PDE10A: variants seen among roughly 807,000 people sequenced by gnomAD.
The protein encoded by PDE10A is phosphodiesterase 10A.
A neutral mutation model predicts 97.7 loss-of-function variants in PDE10A; 39 were observed. The ratio of observed to expected loss-of-function variants is 0.40; its 90% confidence interval spans 0.31 to 0.52. The LOEUF is 0.52. Among genes scored for constraint, PDE10A ranks in the 20% least tolerant of loss-of-function variants. The pLI is 0.56. For synonymous variants in PDE10A, 371 were observed against 376.8 expected, an observed-to-expected ratio of 0.98 and a Z score of 0.18; for missense variants, 731 against 1,047.8, an observed-to-expected ratio of 0.70 and a Z score of 4.17.
chr6:165,693,036 A>G (rs1250908747), intron 1 of PDE10A, among the ~76,000 whole-genome samples: 1 of 152,196 alleles, frequency 6.6e-6, no homozygotes, highest in Admixed American at 6.5e-5. Context: ...TAAAAGATAT[A>G]TCAGTGCTAG....
At chr6:165,843,409 G>A (rs906338665) in intron 1 of PDE10A, among the ~76,000 whole-genome samples, 4 of 152,172 alleles carry the variant, frequency 2.6e-5, no homozygotes, top group African/African-American at 9.7e-5. Context: ...CCATCACCTC[G>A]GCTACAACAA....
chr6:165,873,867 A>T (rs995036391), intron 1 of PDE10A, among the ~76,000 whole-genome samples: 5 of 152,204 alleles, frequency 3.3e-5, no homozygotes, highest in South Asian at 2.1e-4. Flanking sequence ...GGGTTTTTTT[A>T]AAAAATTAAT....
chr6:165,933,011 T>C (rs117978276), intron 1 of PDE10A, among the ~76,000 whole-genome samples: 6,585 of 152,112 alleles, frequency 0.043, 198 homozygotes, highest in Non-Finnish European at 0.061. Flanking sequence ...CTCCCCTGGG[T>C]TGATTCCTGG....
chr6:165,430,496 T>G, intron 8 of PDE10A, 151 bp from the exon 9 acceptor site: 1 of 557,742 alleles, frequency 1.8e-6, no homozygotes, highest in Admixed American at 3.5e-5. Flanking sequence ...ACCATTAATA[T>G]TTACTGAATA....
intron 2 of PDE10A, among the ~76,000 whole-genome samples, chr6:165,497,755 G>T (rs1213312118): frequency 6.6e-6 from 1 of 152,070 alleles, no homozygotes; most frequent in Admixed American, 6.5e-5. Context: ...ATCTACCCCA[G>T]AGAGGCCAAG....
chr6:165,892,042 G>T (rs1781816827), intron 1 of PDE10A, among the ~76,000 whole-genome samples: 1 of 151,892 alleles, frequency 6.6e-6, no homozygotes. Flanking sequence ...CCACTGACCG[G>T]ACATGATCCA....
intron 1 of PDE10A, among the ~76,000 whole-genome samples, chr6:165,735,431 T>C (rs1433952834): frequency 1.3e-5 from 2 of 151,818 alleles, no homozygotes; most frequent in Non-Finnish European, 2.9e-5. Flanking sequence ...GGTAGGTAGG[T>C]TGGTAGATAT....
At chr6:165,879,500 C>T (rs1781421758) in intron 1 of PDE10A, among the ~76,000 whole-genome samples, 2 of 152,188 alleles carry the variant, frequency 1.3e-5, no homozygotes. Flanking sequence ...ATTAGACCCA[C>T]CCCAATCAAA....
At chr6:165,726,145 T>C (rs544183942) in intron 1 of PDE10A, among the ~76,000 whole-genome samples, 2 of 152,144 alleles carry the variant, frequency 1.3e-5, no homozygotes, top group South Asian at 4.2e-4. Flanking sequence ...AGCTGTGTAG[T>C]TGTGTTGGAG....
intron 10 of PDE10A, among the ~76,000 whole-genome samples, chr6:165,427,593 T>C (rs73245657): frequency 1.8e-4 from 28 of 152,272 alleles, no homozygotes; most frequent in African/African-American, 6.3e-4. Context: ...TATCCGTGAA[T>C]ATAGTAAAAA....
rs1463488620 is a variant in PDE10A at position 165,418,428 on chromosome 6, C to T, written c.1796+207G>A. On this transcript the variant is annotated intron_variant, in intron 11 of 21. Coordinates refer to ENST00000539869, the MANE Select transcript of PDE10A (RefSeq NM_001385079.1). This position sits in a 1 kb window ranked among gnomAD's most constrained non-coding sequence, Gnocchi z 4.8. ...CGGAAGACGGCATTTCCAGGAGTGACGCTAAGGCTTCCTAGGCGCGGTTTC... is the reference window on the plus strand; with the variant it reads ...CGGAAGACGGCATTTCCAGGAGTGATGCTAAGGCTTCCTAGGCGCGGTTTC... 6.6e-6 allele frequency among the ~76,000 whole-genome samples: 1 copy of T among 152,116 alleles called. No individual in the cohort carries two copies. The highest frequency in any genetic ancestry group is 6.6e-5 in the Admixed American group (1 of 15,266).
At chr6:165,619,434 G>C (rs796875049) in intron 1 of PDE10A, among the ~76,000 whole-genome samples, 56 of 2,758 alleles carry the variant, frequency 0.02, 1 homozygote, top group African/African-American at 0.028. Context: ...GTAGTATAGT[G>C]TAGTGTAGTA....
chr6:165,513,647 T>C (rs2128303278), intron 2 of PDE10A, among the ~76,000 whole-genome samples: 1 of 152,248 alleles, frequency 6.6e-6, no homozygotes, highest in South Asian at 2.1e-4. Context: ...ATCCAGACAA[T>C]TCATAAAGAG....
intron 1 of PDE10A, among the ~76,000 whole-genome samples, chr6:165,936,773 G>A (rs1005860673): frequency 6.6e-6 from 1 of 152,174 alleles, no homozygotes; most frequent in African/African-American, 2.4e-5. Flanking sequence ...TGGAGAATGA[G>A]TAGAGACTTA....
At chr6:165,603,881 C>T (rs1041486827) in intron 1 of PDE10A, among the ~76,000 whole-genome samples, 2 of 152,206 alleles carry the variant, frequency 1.3e-5, no homozygotes, top group South Asian at 4.1e-4. Flanking sequence ...CAACTGAATA[C>T]CCACCCTCAA....
intron 18 of PDE10A, among the ~76,000 whole-genome samples, chr6:165,354,233 T>C (rs1455447352): frequency 6.6e-6 from 1 of 152,212 alleles, no homozygotes; most frequent in Non-Finnish European, 1.5e-5. Flanking sequence ...AGTGTATTTC[T>C]GACTTAAGAC....
intron 1 of PDE10A, among the ~76,000 whole-genome samples, chr6:165,748,999 A>G (rs1276323413): frequency 6.6e-6 from 1 of 152,210 alleles, no homozygotes; most frequent in Admixed American, 6.5e-5. Flanking sequence ...AATGAGGATA[A>G]TAATGATATC....
chr6:165,613,027 GA>G (rs1210061932), intron 1 of PDE10A, among the ~76,000 whole-genome samples: 1 of 152,094 alleles, frequency 6.6e-6, no homozygotes, highest in Non-Finnish European at 1.5e-5. Flanking sequence ...AACAGAAAAG[GA>G]TAAGTTCTCT....
At chr6:165,415,159 GA>G (rs1386830976) in intron 12 of PDE10A, among the ~76,000 whole-genome samples, 1 of 152,236 alleles carries the variant, frequency 6.6e-6, no homozygotes. Flanking sequence ...TTTACATAAA[GA>G]TTGGACATAA....
Sources: allele counts gnomAD v4.1 joint callset (sites outside exome capture counted in the v4.1 genomes callset), GRCh38; gene constraint gnomAD v4.1.1; non-coding constraint Gnocchi (gnomAD v3.1); transcripts MANE v1.5; gene names NCBI Gene and HGNC (gene_info 2026-07-23, HGNC 2026-07-21).